DENND1A: variants seen among roughly 807,000 people sequenced by gnomAD.
The protein encoded by DENND1A is DENN domain-containing protein 1A.
DENND1A carries 51 observed loss-of-function variants against 113.7 expected under a neutral mutation model. The ratio of observed to expected loss-of-function variants is 0.45; its 90% CI spans 0.36 to 0.57. DENND1A has a LOEUF of 0.57. Ranked by LOEUF, DENND1A falls within the 20% of genes least tolerant of loss-of-function variation. DENND1A has a pLI of 0.00. For missense variants in DENND1A, 1,258 were observed against 1,395.9 expected, an observed-to-expected ratio of 0.90 and a Z score of 1.57; for synonymous variants, 565 against 570.8, an observed-to-expected ratio of 0.99 and a Z score of 0.14.
At chr9:123,677,957 C>G (rs2140135190) in intron 5 of DENND1A, among the ~76,000 whole-genome samples, 1 of 152,250 alleles carries the variant, frequency 6.6e-6, no homozygotes, top group Admixed American at 6.5e-5. Flanking sequence ...ATCTTTGAGC[C>G]TGCCTGGGCT....
At chr9:123,474,402 T>A (rs952942914) in intron 13 of DENND1A, among the ~76,000 whole-genome samples, 10 of 152,232 alleles carry the variant, frequency 6.6e-5, no homozygotes, top group Non-Finnish European at 8.8e-5. Context: ...CGTGGCAGTT[T>A]TTGACTGGGA....
chr9:123,500,312 G>C (rs1009618047), intron 13 of DENND1A, among the ~76,000 whole-genome samples: 1 of 152,118 alleles, frequency 6.6e-6, no homozygotes, highest in South Asian at 2.1e-4. Flanking sequence ...CCACGTCTCA[G>C]GATTCCAATC....
At chr9:123,606,077 G>A (rs913522619) in intron 11 of DENND1A, among the ~76,000 whole-genome samples, 4 of 152,182 alleles carry the variant, frequency 2.6e-5, no homozygotes, top group African/African-American at 2.4e-5. Flanking sequence ...ACAGGTTCCT[G>A]CAAGAAACCG....
chr9:123,666,208 G>A (rs890604594), intron 8 of DENND1A, among the ~76,000 whole-genome samples: 3 of 152,224 alleles, frequency 2.0e-5, no homozygotes, highest in African/African-American at 7.2e-5. Flanking sequence ...TTTATGTTAT[G>A]TATTTGTTAC....
At chr9:123,583,344 G>A (rs1356930558) in intron 11 of DENND1A, 74 bp from the exon 12 acceptor site, 7 of 1,098,520 alleles carry the variant, frequency 6.4e-6, no homozygotes, top group Non-Finnish European at 9.5e-6. Context: ...GCCTTCTCTG[G>A]GGAAGAGGCA....
At chr9:123,676,883 T>C in intron 5 of DENND1A, 94 bp from the exon 6 acceptor site, 1 of 1,183,886 alleles carries the variant, frequency 8.4e-7, no homozygotes, top group Middle Eastern at 1.9e-4. Flanking sequence ...TCAGTTTTGC[T>C]CTACATCCTG....
intron 9 of DENND1A, among the ~76,000 whole-genome samples, chr9:123,643,560 A>T (rs1358850363): frequency 1.3e-5 from 2 of 152,226 alleles, no homozygotes; most frequent in African/African-American, 4.8e-5. Context: ...AAGGTTCTTT[A>T]TTCTTTATTA....
intron 10 of DENND1A, among the ~76,000 whole-genome samples, chr9:123,626,060 G>T (rs1465378347): frequency 4.8e-5 from 7 of 146,896 alleles, no homozygotes; most frequent in Non-Finnish European, 1.1e-4. Context: ...GCTGGGTTTT[G>T]TTTTTTTTTT....
intron 19 of DENND1A, among the ~76,000 whole-genome samples, chr9:123,421,230 T>C (rs1172785044): frequency 2.0e-5 from 3 of 151,250 alleles, no homozygotes; most frequent in Admixed American, 2.0e-4. Context: ...TGCTAGGAGA[T>C]CTACATGCGA....
intron 13 of DENND1A, among the ~76,000 whole-genome samples, chr9:123,465,999 T>C (rs1284573937): frequency 6.6e-6 from 1 of 151,342 alleles, no homozygotes; most frequent in Non-Finnish European, 1.5e-5. Context: ...TATTTCTTTT[T>C]TTCTTTTTTA....
At chr9:123,907,517 T>C (rs1334693861) in intron 1 of DENND1A, among the ~76,000 whole-genome samples, 5 of 141,938 alleles carry the variant, frequency 3.5e-5, no homozygotes, top group Admixed American at 7.0e-5. Context: ...ACAAAATCAA[T>C]GTACAAAAAT....
chr9:123,467,139 G>T (rs1266204282), intron 13 of DENND1A, among the ~76,000 whole-genome samples: 1 of 152,190 alleles, frequency 6.6e-6, no homozygotes, highest in Non-Finnish European at 1.5e-5. Flanking sequence ...GCAAGTTCTG[G>T]TTCTAATGGA....
At chr9:123,911,512 G>A (rs983303591) in intron 1 of DENND1A, among the ~76,000 whole-genome samples, 2 of 152,112 alleles carry the variant, frequency 1.3e-5, no homozygotes, top group Non-Finnish European at 2.9e-5. Context: ...AATGGGAATC[G>A]TACTACGCAG....
At chr9:123,819,671 A>G (rs1158737839) in intron 2 of DENND1A, among the ~76,000 whole-genome samples, 1 of 151,944 alleles carries the variant, frequency 6.6e-6, no homozygotes, top group Non-Finnish European at 1.5e-5. Flanking sequence ...GCAAGTAGCT[A>G]GGACTACAGG....
At chr9:123,806,622 C>T (rs1277541254) in intron 2 of DENND1A, among the ~76,000 whole-genome samples, 1 of 152,166 alleles carries the variant, frequency 6.6e-6, no homozygotes. Context: ...CACATCAGCA[C>T]TCAGGAAGTT....
intron 15 of DENND1A, 36 bp downstream of exon 15, chr9:123,457,312 C>T (rs757250005): frequency 1.3e-6 from 2 of 1,530,808 alleles, no homozygotes; most frequent in Non-Finnish European, 1.8e-6. Context: ...ATGATAGCAG[C>T]CTGCAGCCCC....
intron 2 of DENND1A, among the ~76,000 whole-genome samples, chr9:123,845,366 A>C (rs1842439098): frequency 6.6e-6 from 1 of 152,038 alleles, no homozygotes; most frequent in African/African-American, 2.4e-5. Flanking sequence ...ATAAAAATCA[A>C]CTTGATTTGG....
At chr9:123,725,098 T>C (rs1370154815) in intron 5 of DENND1A, among the ~76,000 whole-genome samples, 1 of 152,234 alleles carries the variant, frequency 6.6e-6, no homozygotes, top group African/African-American at 2.4e-5. Context: ...TGTAACGCCA[T>C]TCAGAGCACA....
chr9:123,382,799 C>T (rs982691728), intron 23 of DENND1A, among the ~76,000 whole-genome samples, 174 bp from the exon 24 acceptor site: 5 of 152,250 alleles, frequency 3.3e-5, no homozygotes, highest in African/African-American at 9.6e-5. Flanking sequence ...AGAGGACCCA[C>T]GTGTGCTGGG....
Sources: gnomAD v4.1 joint callset for allele counts (sites outside exome capture counted in the v4.1 genomes callset) on GRCh38, gnomAD v4.1.1 for gene constraint, MANE v1.5 for transcripts, NCBI Gene and HGNC (gene_info 2026-07-23, HGNC 2026-07-21) for gene names.